Variants in CENPO observed in about 807,000 individuals in gnomAD.
The protein encoded by CENPO is centromere protein O, also known as centromeric protein O.
A neutral mutation model predicts 36.1 loss-of-function variants in CENPO; 30 were observed. The observed-to-expected ratio is 0.83, with a 90% CI of 0.62 to 1.13. The LOEUF (loss-of-function observed/expected upper bound fraction) is 1.13, where lower values mean the gene tolerates loss of function less well. Ranked by LOEUF, CENPO falls within the 50% of genes most tolerant of loss-of-function variation. CENPO has a pLI of 0.00. For missense variants in CENPO, 349 were observed against 357.8 expected, an observed-to-expected ratio of 0.98 and a Z score of 0.20; for synonymous variants, 171 against 142.3, an observed-to-expected ratio of 1.20 and a Z score of -1.44.
Position 24,820,377 on chromosome 2 carries a change from C to G in CENPO, c.*1059C>G, listed in dbSNP as rs907165265. 1.8e-4 allele frequency: 237 copies of G among 1,319,828 alleles called. No individual in the cohort carries two copies. The highest frequency in any genetic ancestry group is 4.9e-5 in the Non-Finnish European group (51 of 1,039,128). The allele number at this position is 1,319,828 out of a possible 1,614,324, so 81.8% of individuals were successfully genotyped here. On this transcript the variant is annotated 3_prime_UTR_variant, in exon 8 of 8. Transcript: ENST00000380834. The stretch of plus-strand genomic sequence containing the variant: ...GGCCATGGTCACCTGGGTGGCAGCA[C>G]TGTTACCTGGAAACTGCCACTGCCT...
chr2:24,794,980 C>G (rs908751145), intron 2 of CENPO, among the ~76,000 whole-genome samples: 1 of 152,150 alleles, frequency 6.6e-6, no homozygotes, highest in African/African-American at 2.4e-5. Flanking sequence ...AGAGAAGTAA[C>G]TATATTCAGC....
At chr2:24,798,974 CCTT>C (rs1444513794) in intron 2 of CENPO, among the ~76,000 whole-genome samples, 1 of 125,376 alleles carries the variant, frequency 8.0e-6, no homozygotes, top group Non-Finnish European at 1.6e-5. Flanking sequence ...TCTGGGGCTT[CCTT>C]TTTTTTTTTT....
chr2:24,798,275 G>T (rs1303549871), intron 2 of CENPO, among the ~76,000 whole-genome samples: 1 of 149,386 alleles, frequency 6.7e-6, no homozygotes, highest in African/African-American at 2.5e-5. Context: ...GTATGTGTGT[G>T]TATATATATA....
chr2:24,806,959 A>G (rs949748976), intron 3 of CENPO, among the ~76,000 whole-genome samples: 29 of 152,222 alleles, frequency 1.9e-4, no homozygotes, highest in African/African-American at 7.0e-4. Flanking sequence ...TTTGGATATC[A>G]GGATTATGAC....
chr2:24,807,245 C>A (rs1299069403), intron 3 of CENPO, among the ~76,000 whole-genome samples: 2 of 152,108 alleles, frequency 1.3e-5, no homozygotes, highest in Admixed American at 6.5e-5. Context: ...ATTACCAACA[C>A]CCAGAAGCCT....
intron 6 of CENPO, 29 bp downstream of exon 6, chr2:24,816,846 C>A: frequency 6.5e-7 from 1 of 1,550,220 alleles, no homozygotes; most frequent in Non-Finnish European, 8.7e-7. Flanking sequence ...TGCAGAAATT[C>A]TCATATCCCA....
intron 6 of CENPO, among the ~76,000 whole-genome samples, chr2:24,817,073 T>C (rs992443362): frequency 2.6e-5 from 4 of 152,212 alleles, no homozygotes; most frequent in African/African-American, 9.6e-5. Context: ...TCGCAGCCTA[T>C]GATTTGTTTT....
chr2:24,802,065 G>A (rs1323050259), intron 3 of CENPO, among the ~76,000 whole-genome samples: 5 of 152,074 alleles, frequency 3.3e-5, no homozygotes, highest in African/African-American at 9.7e-5. Context: ...TTGGATTCCT[G>A]GGTATTTTAT....
intron 5 of CENPO, chr2:24,816,289 G>T: frequency 4.9e-6 from 1 of 205,872 alleles, no homozygotes; most frequent in South Asian, 1.5e-4. Context: ...CCCCCTCTAT[G>T]GATTTGGAGT....
chr2:24,819,901 C>A lies in CENPO; in HGVS notation c.*583C>A. 1.2e-6 allele frequency: 2 copies of A among 1,602,346 alleles called. No homozygotes were observed. Among genetic ancestry groups the A allele is most frequent in the Non-Finnish European group, 1.7e-6 (2 of 1,175,012 alleles). On this transcript the variant is annotated 3_prime_UTR_variant, in exon 8 of 8. Transcript: ENST00000380834. ...AGTTTCAAAAAATAAATTCTCCCTTCCGGTTTGGACTGTTGCAGGCTCGAG... is the reference window on the plus strand; with the variant it reads ...AGTTTCAAAAAATAAATTCTCCCTTACGGTTTGGACTGTTGCAGGCTCGAG...
At chr2:24,817,479 T>A (rs1189400413) in intron 6 of CENPO, among the ~76,000 whole-genome samples, 191 bp from the exon 7 acceptor site, 3 of 28,130 alleles carry the variant, frequency 1.1e-4, no homozygotes, top group Admixed American at 8.8e-4. Flanking sequence ...AAAAAAAAGC[T>A]GTATGGGTCC....
intron 3 of CENPO, among the ~76,000 whole-genome samples, chr2:24,810,814 G>GT (rs1666642216): frequency 6.6e-6 from 1 of 151,966 alleles, no homozygotes; most frequent in African/African-American, 2.4e-5. Context: ...GGCCTGCAGG[G>GT]TAAGTTTTTT....
Position 24,819,955 on chromosome 2 carries a change from G to A in CENPO, c.*637G>A, listed in dbSNP as rs1667297865. ...ATTCAGGAGTTGTCCACCACCTGGT[G>A]GGGCAGTGTGACAGAGGGGCCATTG... On this transcript the variant is annotated 3_prime_UTR_variant, in exon 8 of 8. Coordinates refer to ENST00000380834, the MANE Select transcript of CENPO (RefSeq NM_001322101.2). The A allele has an allele frequency of 6.2e-7, 1 of 1,613,806 alleles. No homozygotes were observed. Among genetic ancestry groups the A allele is most frequent in the Non-Finnish European group, 8.5e-7 (1 of 1,179,944 alleles).
chr2:24,805,912 G>C (rs1219260725), intron 3 of CENPO, among the ~76,000 whole-genome samples: 3 of 152,220 alleles, frequency 2.0e-5, no homozygotes, highest in African/African-American at 7.2e-5. Context: ...GCTATGCCCT[G>C]CCCCCAGAGG....
At position 24,793,981 on chromosome 2, in the gene CENPO, C is replaced by T. The variant is rs1272930097; in HGVS notation, c.46+16C>T. ...TCCAAAGGAGGTATTCAGAGGGTCG[C>T]CGCCTCCTTCCTGCTGCTGCCCAAA... On this transcript the variant is annotated intron_variant, in intron 2 of 7. Transcript: ENST00000380834. 6.3e-7 allele frequency: 1 copy of T among 1,577,646 alleles called. No homozygotes were observed. The highest frequency in any genetic ancestry group is 8.7e-7 in the Non-Finnish European group (1 of 1,146,812).
intron 3 of CENPO, among the ~76,000 whole-genome samples, chr2:24,805,587 C>G (rs1253612835): frequency 6.6e-6 from 1 of 152,192 alleles, no homozygotes; most frequent in Non-Finnish European, 1.5e-5. Context: ...TGCTGGAGGT[C>G]CACTCCAGAC....
At chr2:24,796,065 C>T (rs562376529) in intron 2 of CENPO, among the ~76,000 whole-genome samples, 6 of 152,180 alleles carry the variant, frequency 3.9e-5, no homozygotes, top group South Asian at 4.1e-4. Context: ...TAAACATTTC[C>T]GGAGTGTTGG....
At position 24,819,971 on chromosome 2, in the gene CENPO, G is replaced by A. The variant is rs746982892; in HGVS notation, c.*653G>A. ...CCACCTGGTGGGGCAGTGTGACAGA[G>A]GGGCCATTGGGGAAGGTGGCTAGCT... On this transcript the variant is annotated 3_prime_UTR_variant, in exon 8 of 8. Coordinates refer to ENST00000380834, the MANE Select transcript of CENPO (RefSeq NM_001322101.2). 4 of 1,613,828 alleles carry A rather than the reference G, an allele frequency of 2.5e-6. No homozygotes were observed. The highest frequency in any genetic ancestry group is 2.2e-5 in the East Asian group (1 of 44,838).
chr2:24,796,599 G>A (rs897250078), intron 2 of CENPO, among the ~76,000 whole-genome samples: 4 of 152,154 alleles, frequency 2.6e-5, no homozygotes, highest in African/African-American at 9.7e-5. Flanking sequence ...GATCGCTTGA[G>A]CTTAGGAGTT....
Sources: gnomAD v4.1 joint callset for allele counts (sites outside exome capture counted in the v4.1 genomes callset) on GRCh38, gnomAD v4.1.1 for gene constraint, MANE v1.5 for transcripts, NCBI Gene and HGNC (gene_info 2026-07-23, HGNC 2026-07-21) for gene names.